The following BLTP3A variants were observed in gnomAD, a reference collection of about 807,000 sequenced individuals.
BLTP3A encodes bridge-like lipid transfer protein family member 3A.
the BLTP3A span, among the ~76,000 whole-genome samples, chr6:34,861,600 C>T: frequency 2.0e-5 from 3 of 152,148 alleles, no homozygotes; most frequent in Admixed American, 2.0e-4. Flanking sequence ...TTCATGTGTG[C>T]ACTTGTGGAT....
the BLTP3A span, among the ~76,000 whole-genome samples, chr6:34,794,155 C>T: frequency 2.7e-5 from 3 of 113,098 alleles, no homozygotes; most frequent in Admixed American, 1.6e-4. Flanking sequence ...GCGAGACTGT[C>T]TCAAAAAAAA....
chr6:34,831,074 G>A, the BLTP3A span, among the ~76,000 whole-genome samples: 1 of 151,162 alleles, frequency 6.6e-6, no homozygotes, highest in East Asian at 1.9e-4. Flanking sequence ...TTAGATAAAT[G>A]TACTGCAGAT....
chr6:34,844,145 T>C, the BLTP3A span, among the ~76,000 whole-genome samples: 2 of 152,032 alleles, frequency 1.3e-5, no homozygotes, highest in Non-Finnish European at 2.9e-5. Flanking sequence ...CACGCCCGGC[T>C]AATTTTTTTT....
At chr6:34,804,273 C>G in the BLTP3A span, among the ~76,000 whole-genome samples, 2 of 152,056 alleles carry the variant, frequency 1.3e-5, no homozygotes, top group Non-Finnish European at 2.9e-5. Context: ...GGACCCAGAC[C>G]CTGAGCTACC....
chr6:34,847,239 T>C, the BLTP3A span, among the ~76,000 whole-genome samples: 1 of 152,020 alleles, frequency 6.6e-6, no homozygotes, highest in Non-Finnish European at 1.5e-5. Flanking sequence ...TTTTCTTTTT[T>C]TTTTTCCAAG....
the BLTP3A span, among the ~76,000 whole-genome samples, chr6:34,832,720 G>C: frequency 6.6e-6 from 1 of 152,060 alleles, no homozygotes; most frequent in Non-Finnish European, 1.5e-5. Context: ...AAAGTGCTGG[G>C]ATTACAGGTG....
chr6:34,839,467 A>G, the BLTP3A span, among the ~76,000 whole-genome samples: 2 of 152,334 alleles, frequency 1.3e-5, no homozygotes, highest in East Asian at 3.9e-4. Flanking sequence ...GGACACTTGA[A>G]ATGTGGCTGA....
the BLTP3A span, among the ~76,000 whole-genome samples, chr6:34,842,758 C>T: frequency 6.6e-6 from 1 of 152,074 alleles, no homozygotes; most frequent in Non-Finnish European, 1.5e-5. Flanking sequence ...GGAAGATACA[C>T]AAAATGTGTG....
the BLTP3A span, among the ~76,000 whole-genome samples, chr6:34,799,349 G>A: frequency 2.0e-5 from 3 of 152,098 alleles, no homozygotes; most frequent in African/African-American, 7.2e-5. Context: ...AAATAGCCAG[G>A]CATGGTGGTT....
chr6:34,859,080 A>G, the BLTP3A span: 358 of 1,614,174 alleles, frequency 2.2e-4, 2 homozygotes, highest in African/African-American at 4.0e-3. Context: ...ATTCAGAGCT[A>G]TCTCCTTCAG....
At chr6:34,803,683 AGTTT>A in the BLTP3A span, among the ~76,000 whole-genome samples, 3 of 152,158 alleles carry the variant, frequency 2.0e-5, no homozygotes, top group African/African-American at 7.2e-5. Context: ...AAAAGTTCCC[AGTTT>A]GTTTTTGTTT....
the BLTP3A span, among the ~76,000 whole-genome samples, chr6:34,799,235 C>A: frequency 6.6e-6 from 1 of 152,190 alleles, no homozygotes; most frequent in African/African-American, 2.4e-5. Context: ...AGCCACCATA[C>A]CTGGCCTAGG....
chr6:34,797,645 A>C, the BLTP3A span, among the ~76,000 whole-genome samples: 3 of 152,172 alleles, frequency 2.0e-5, no homozygotes, highest in Non-Finnish European at 4.4e-5. Flanking sequence ...TTTTCTAGTA[A>C]TAGTTAAATC....
chr6:34,809,180 C>T, the BLTP3A span, among the ~76,000 whole-genome samples: 1 of 152,038 alleles, frequency 6.6e-6, no homozygotes, highest in South Asian at 2.1e-4. Context: ...ATCATTTGAG[C>T]CCAGGAGTTT....
chr6:34,814,494 C>T, the BLTP3A span, among the ~76,000 whole-genome samples: 1 of 152,180 alleles, frequency 6.6e-6, no homozygotes, highest in Non-Finnish European at 1.5e-5. Flanking sequence ...TTATTACAGT[C>T]ACAGGAGGAC....
the BLTP3A span, among the ~76,000 whole-genome samples, chr6:34,813,507 T>C: frequency 8.5e-5 from 13 of 152,196 alleles, no homozygotes; most frequent in African/African-American, 2.9e-4. Flanking sequence ...TCAAAATCTG[T>C]TTTTCCAACC....
At chr6:34,834,385 C>T in the BLTP3A span, 75 of 1,613,330 alleles carry the variant, frequency 4.6e-5, no homozygotes, top group Non-Finnish European at 6.4e-5. Context: ...TTACCCGCAT[C>T]ACTGACCCCT....
chr6:34,859,770 A>G, the BLTP3A span, among the ~76,000 whole-genome samples: 1 of 151,854 alleles, frequency 6.6e-6, no homozygotes, highest in Non-Finnish European at 1.5e-5. Flanking sequence ...CTCCTTTTTC[A>G]CTGATTCACT....
chr6:34,876,828 C>T, the BLTP3A span: 1 of 152,236 alleles, frequency 6.6e-6, no homozygotes, highest in South Asian at 2.1e-4. Context: ...GATTATTTTC[C>T]CCATGGCACA....
Sources: gnomAD v4.1 joint callset for allele counts (sites outside exome capture counted in the v4.1 genomes callset) on GRCh38, gnomAD v4.1.1 for gene constraint, MANE v1.5 for transcripts, NCBI Gene and HGNC (gene_info 2026-07-23, HGNC 2026-07-21) for gene names.